The following ROBO2 variants were observed in gnomAD, a reference collection of about 807,000 sequenced individuals.
The protein encoded by ROBO2 is roundabout homolog 2.
In ROBO2, 53 loss-of-function variants were observed where a neutral mutation model predicts 160.8. The observed-to-expected ratio is 0.33, with a 90% CI of 0.26 to 0.41. ROBO2 has a LOEUF of 0.41. Among genes scored for constraint, ROBO2 ranks in the 10% least tolerant of loss-of-function variants. ROBO2 has a pLI of 1.00. For synonymous variants in ROBO2, 664 were observed against 611.7 expected (o/e 1.09, Z -1.26); for missense variants, 1,577 against 1,722.4 (o/e 0.92, Z 1.49).
intron 2 of ROBO2, among the ~76,000 whole-genome samples, chr3:76,665,980 A>T (rs990613022): frequency 3.4e-4 from 45 of 132,660 alleles, no homozygotes; most frequent in Non-Finnish European, 5.4e-4. Flanking sequence ...TATATAATAT[A>T]TACATGTAAT....
At chr3:76,471,682 A>T (rs1329139606) in intron 2 of ROBO2, among the ~76,000 whole-genome samples, 1 of 152,164 alleles carries the variant, frequency 6.6e-6, no homozygotes, top group African/African-American at 2.4e-5. Flanking sequence ...TAACATTTGT[A>T]TTAGTCTGTT....
chr3:76,931,935 C>T (rs2077371847), intron 2 of ROBO2, among the ~76,000 whole-genome samples: 1 of 152,150 alleles, frequency 6.6e-6, no homozygotes, highest in African/African-American at 2.4e-5. Flanking sequence ...CCTGCCTTGG[C>T]CTCCCAAAGT....
chr3:75,938,571 A>C (rs1947899709), intron 2 of ROBO2, among the ~76,000 whole-genome samples: 1 of 152,130 alleles, frequency 6.6e-6, no homozygotes, highest in Non-Finnish European at 1.5e-5. Context: ...TACTCCAGAT[A>C]AAATTGAAAG....
intron 2 of ROBO2, among the ~76,000 whole-genome samples, chr3:76,265,985 C>T (rs1707078893): frequency 6.6e-6 from 1 of 151,960 alleles, no homozygotes; most frequent in Non-Finnish European, 1.5e-5. Flanking sequence ...ATAATTTTAC[C>T]TTTTCAATGA....
chr3:77,440,821 T>C (rs956770899), intron 2 of ROBO2, among the ~76,000 whole-genome samples: 9 of 152,250 alleles, frequency 5.9e-5, no homozygotes, highest in African/African-American at 1.9e-4. Flanking sequence ...CCATTGAGAA[T>C]TGACCTGGTT....
chr3:77,166,974 C>A (rs1316083744), intron 2 of ROBO2, among the ~76,000 whole-genome samples: 1 of 152,110 alleles, frequency 6.6e-6, no homozygotes, highest in African/African-American at 2.4e-5. Context: ...TATGATGTTT[C>A]TTTATTCTTT....
chr3:76,486,904 C>G (rs115638856), intron 2 of ROBO2, among the ~76,000 whole-genome samples: 1,647 of 152,158 alleles, frequency 0.011, 25 homozygotes, highest in African/African-American at 0.037. Flanking sequence ...ATTGTTATCC[C>G]CTAAACCCTC....
chr3:76,091,840 A>G (rs911442273), intron 2 of ROBO2, among the ~76,000 whole-genome samples: 2 of 152,214 alleles, frequency 1.3e-5, no homozygotes, highest in East Asian at 1.9e-4. Context: ...TGCATACTGT[A>G]TAATTCCAAC....
intron 2 of ROBO2, among the ~76,000 whole-genome samples, chr3:76,165,586 A>G (rs555756893): frequency 4.6e-5 from 7 of 152,264 alleles, no homozygotes; most frequent in Admixed American, 4.6e-4. Flanking sequence ...TCACAACTCA[A>G]TTAGCTGTTT....
At chr3:76,862,113 A>C (rs2070846690) in intron 2 of ROBO2, among the ~76,000 whole-genome samples, 2 of 152,106 alleles carry the variant, frequency 1.3e-5, no homozygotes, top group African/African-American at 4.8e-5. Flanking sequence ...GAAGGAAGAA[A>C]GGAAGGAAGG....
chr3:77,454,586 A>G (rs2081431168), intron 2 of ROBO2, among the ~76,000 whole-genome samples: 1 of 152,222 alleles, frequency 6.6e-6, no homozygotes, highest in African/African-American at 2.4e-5. Context: ...TCATTTGTAC[A>G]GAAAATTATT....
intron 2 of ROBO2, among the ~76,000 whole-genome samples, chr3:76,981,035 C>T (rs757211036): frequency 6.6e-6 from 1 of 152,154 alleles, no homozygotes; most frequent in Non-Finnish European, 1.5e-5. Flanking sequence ...GTTTTCGTCG[C>T]CTAATAATGT....
At chr3:77,032,248 G>A (rs1036464713) in intron 2 of ROBO2, among the ~76,000 whole-genome samples, 1 of 152,150 alleles carries the variant, frequency 6.6e-6, no homozygotes, top group Admixed American at 6.5e-5. Flanking sequence ...GAATACATTA[G>A]CCTATCCTGG....
intron 2 of ROBO2, among the ~76,000 whole-genome samples, chr3:76,982,108 TG>T (rs1472964003): frequency 2.6e-5 from 4 of 152,218 alleles, no homozygotes; most frequent in Non-Finnish European, 5.9e-5. Context: ...TCTATTTTTT[TG>T]TTGCTGCTGC....
chr3:76,295,962 T>C (rs1025787089), intron 2 of ROBO2, among the ~76,000 whole-genome samples: 1 of 152,162 alleles, frequency 6.6e-6, no homozygotes, highest in Non-Finnish European at 1.5e-5. Flanking sequence ...ATAAGTTATT[T>C]ATAAGATACA....
rs559730271 is a variant in ROBO2 at position 77,293,221 on chromosome 3, G to T, written c.389-184193G>T. Among the ~76,000 whole-genome samples the T allele has an allele frequency of 7.9e-5, 12 of 151,498 alleles. No individual in the cohort carries two copies. In the East Asian group the frequency reaches 2.2e-3, roughly 27 times the overall value. The stretch of plus-strand genomic sequence containing the variant: ...TTGACGGTTAAACGGGTAAGCTGAG[G>T]CTAGATCACCCCAGACATAAAGTAA... On this transcript the variant is annotated intron_variant, in intron 2 of 25. Transcript: ENST00000461745.
At chr3:76,380,524 C>T (rs1250150361) in intron 2 of ROBO2, among the ~76,000 whole-genome samples, 1 of 152,090 alleles carries the variant, frequency 6.6e-6, no homozygotes, top group Non-Finnish European at 1.5e-5. Context: ...CCTCCTTTTT[C>T]ACCTCCTCCT....
At chr3:77,453,336 T>C (rs11923860) in intron 2 of ROBO2, among the ~76,000 whole-genome samples, 2,420 of 152,024 alleles carry the variant, frequency 0.016, 67 homozygotes, top group African/African-American at 0.055. Flanking sequence ...CAAATGCCCA[T>C]CTACTTGGAT....
chr3:76,069,549 A>G (rs941315944), intron 2 of ROBO2, among the ~76,000 whole-genome samples: 12 of 151,964 alleles, frequency 7.9e-5, no homozygotes, highest in African/African-American at 2.9e-4. Context: ...CCTGAAAGAA[A>G]TAAATTATTG....
Sources: gnomAD v4.1 joint callset for allele counts (sites outside exome capture counted in the v4.1 genomes callset) on GRCh38, gnomAD v4.1.1 for gene constraint, MANE v1.5 for transcripts, NCBI Gene and HGNC (gene_info 2026-07-23, HGNC 2026-07-21) for gene names.